Variants in ERICH6 observed in about 807,000 individuals in gnomAD.
ERICH6 encodes the protein glutamate rich 6.
A neutral mutation model predicts 71.0 loss-of-function variants in ERICH6; 71 were observed. The ratio of observed to expected loss-of-function variants is 1.00; its 90% CI spans 0.83 to 1.22. ERICH6 has a LOEUF of 1.22. Ranked by LOEUF, ERICH6 falls within the 50% of genes most tolerant of loss-of-function variation. ERICH6 has a pLI of 0.00. For synonymous variants in ERICH6, 262 were observed against 278.4 expected (o/e 0.94, Z 0.59); for missense variants, 808 against 797.2 (o/e 1.01, Z -0.16).
At chr3:150,670,373 T>C (rs1441191619) in intron 11 of ERICH6, among the ~76,000 whole-genome samples, 2 of 151,328 alleles carry the variant, frequency 1.3e-5, no homozygotes, top group Non-Finnish European at 2.9e-5. Flanking sequence ...TCCCAGCTAC[T>C]CAGGAGGCTG....
chr3:150,661,256 G>A (rs541109059), intron 13 of ERICH6, among the ~76,000 whole-genome samples: 41 of 152,322 alleles, frequency 2.7e-4, no homozygotes, highest in African/African-American at 9.1e-4. Flanking sequence ...TGGGAAGCAG[G>A]ATGGAGTCTG....
chr3:150,680,833 G>T lies in ERICH6; in HGVS notation c.980C>A (p.Pro327His). 1.2e-6 allele frequency: 2 copies of T among 1,614,044 alleles called. No individual in the cohort carries two copies. The highest frequency in any genetic ancestry group is 1.7e-6 in the Non-Finnish European group (2 of 1,180,020). ...PPKAELIAID[P>H]HAAHGSEVDR... ...GACCTCACTACCATGGGCTGCATGA[G>T]GGTCAATAGCAATTAATTCAGCTTT... The change falls in exon 8 of 14, where the codon CCT becomes CAT. Residue 327 changes from proline (P) to histidine (H), a missense_variant. Pro to His is a moderately conservative substitution (Grantham distance 77). Coordinates refer to ENST00000295910, the MANE Select transcript of ERICH6 (RefSeq NM_152394.5).
intron 3 of ERICH6, among the ~76,000 whole-genome samples, chr3:150,690,214 T>C (rs546385495): frequency 6.6e-6 from 1 of 152,320 alleles, no homozygotes; most frequent in South Asian, 2.1e-4. Context: ...TAATTTTATG[T>C]TTGATTTGGC....
intron 3 of ERICH6, among the ~76,000 whole-genome samples, chr3:150,690,535 G>C (rs925071928): frequency 2.6e-5 from 4 of 151,940 alleles, no homozygotes; most frequent in African/African-American, 9.7e-5. Flanking sequence ...TAATTAATTG[G>C]CTTAAAGAAA....
At position 150,666,811 on chromosome 3, in the gene ERICH6, T is replaced by A. The variant is rs1211366577; in HGVS notation, c.1704A>T (p.Arg568Ser). 4 of 1,614,080 alleles carry A rather than the reference T, an allele frequency of 2.5e-6. No homozygotes were observed. The highest frequency in any genetic ancestry group is 3.4e-6 in the Non-Finnish European group (4 of 1,180,036). ...ITFLAMGQQA[R>S]ISVGTKVKLP... is the part of the protein sequence containing the mutation. ...CCTTCACTTTGGTTCCAACACTGAT[T>A]CTTGCCTGTTGGCCCATTGCTAGAA... Residue 568 changes from arginine to serine, a missense_variant, in exon 13 of 14, where the codon AGA becomes AGT. This residue lies in a region of ERICH6 where 736 missense variants were observed against 712.2 expected (regional missense o/e 1.03). Transcript: ENST00000295910.
At position 150,680,427 on chromosome 3, in the gene ERICH6, G is replaced by A. The variant is rs202207866; in HGVS notation, c.1111+41C>T. On this transcript the variant is annotated intron_variant, in intron 9 of 13. Transcript: ENST00000295910. The stretch of plus-strand genomic sequence containing the variant: ...TGGTTAAACATCTGAGCTTTCTGAC[G>A]TTGTACAGCTGGTCTATAAGATCAG... The A allele has an allele frequency of 3.2e-5, 51 of 1,586,176 alleles. No individual in the cohort carries two copies. The African/African-American group carries it at 4.3e-4, about 13-fold the overall frequency.
chr3:150,696,125 G>A (rs78812237), intron 3 of ERICH6, among the ~76,000 whole-genome samples: 20,810 of 151,786 alleles, frequency 0.14, 1,544 homozygotes, highest in Non-Finnish European at 0.15. Flanking sequence ...ATTCACATGT[G>A]TGTATGTACA....
intron 1 of ERICH6, among the ~76,000 whole-genome samples, chr3:150,702,513 T>C (rs184512238): frequency 6.6e-6 from 1 of 152,138 alleles, no homozygotes; most frequent in Non-Finnish European, 1.5e-5. Context: ...CCCGACCTCG[T>C]GATCTGCCCG....
intron 6 of ERICH6, among the ~76,000 whole-genome samples, chr3:150,684,825 G>T (rs1272035656): frequency 1.3e-5 from 2 of 151,364 alleles, no homozygotes; most frequent in African/African-American, 4.9e-5. Context: ...GGGAAACATA[G>T]TGAGACCCAT....
chr3:150,661,902 A>G (rs1180228318), intron 13 of ERICH6, among the ~76,000 whole-genome samples: 1 of 152,166 alleles, frequency 6.6e-6, no homozygotes, highest in Non-Finnish European at 1.5e-5. Context: ...AAACAAAAAA[A>G]CCACTGAGTC....
chr3:150,673,148 T>TCCTC lies in ERICH6; in HGVS notation c.1343+804_1343+807dup, dbSNP rs552934680. Among the ~76,000 whole-genome samples the TCCTC allele has an allele frequency of 1.1e-4, 17 of 148,674 alleles. No individual in the cohort carries two copies. In the South Asian group the frequency reaches 2.6e-3, roughly 22 times the overall value. ...CTTCCTTCTTCCTTCCTTCCTTCCT[T>TCCTC]CCTCCCTCCCTTCCATCCGTCTTTC... On this transcript the variant is annotated intron_variant, in intron 11 of 13. Coordinates refer to ENST00000295910, the MANE Select transcript of ERICH6 (RefSeq NM_152394.5).
At chr3:150,664,963 T>A (rs960289049) in intron 13 of ERICH6, among the ~76,000 whole-genome samples, 6 of 151,780 alleles carry the variant, frequency 4.0e-5, no homozygotes, top group African/African-American at 1.5e-4. Context: ...TTGATTAAAA[T>A]TAATTTCTAA....
chr3:150,680,556 A>G lies in ERICH6; in HGVS notation c.1041-18T>C. The G allele has an allele frequency of 6.2e-7, 1 of 1,613,956 alleles. No homozygotes were observed. Among genetic ancestry groups the G allele is most frequent in the Middle Eastern group, 1.7e-4 (1 of 6,060 alleles). On this transcript the variant is annotated intron_variant, in intron 8 of 13. Coordinates refer to ENST00000295910, the MANE Select transcript of ERICH6 (RefSeq NM_152394.5). ...CCTGTTTCCTACAAAATCAGAAAAC[A>G]TCAGGCATAAATCTGAAATGTGGTT...
Position 150,702,236 on chromosome 3 carries a change from A to G in ERICH6, c.404-58T>C, listed in dbSNP as rs879017807. On this transcript the variant is annotated intron_variant, in intron 1 of 13. Coordinates refer to ENST00000295910, the MANE Select transcript of ERICH6 (RefSeq NM_152394.5). Reference sequence around the variant, plus strand: ...CCCTCTAAATCAAAAGGTCAATTCTACCCCCCCCAGGAACACATGGCAATG... The same window carrying G: ...CCCTCTAAATCAAAAGGTCAATTCTGCCCCCCCCAGGAACACATGGCAATG... 69 of 681,862 alleles carry G rather than the reference A, an allele frequency of 1.0e-4. 1 individual carries two copies. The South Asian group carries it at 1.6e-3, about 16-fold the overall frequency. 42.2% of individuals were successfully genotyped at this position (681,862 alleles called of 1,614,324 possible).
At chr3:150,699,717 T>TAAAAAAAAAAAAAA (rs1178685062) in intron 2 of ERICH6, among the ~76,000 whole-genome samples, 1 of 111,506 alleles carries the variant, frequency 9.0e-6, no homozygotes, top group African/African-American at 3.4e-5. Flanking sequence ...CTCAAAGAGA[T>TAAAAAAAAAAAAAA]AAAAACAAAA....
chr3:150,698,872 G>A lies in ERICH6; in HGVS notation c.472C>T (p.Arg158Cys), dbSNP rs78132193. The change falls in exon 3 of 14, where the codon CGC becomes TGC. Residue 158 changes from arginine to cysteine, a missense_variant. Arg to Cys is a radical substitution (Grantham distance 180, BLOSUM62 -3). Coordinates refer to ENST00000295910, the MANE Select transcript of ERICH6 (RefSeq NM_152394.5). ...ACTGGAATTCCTGGAGACAAATTGC[G>A]ATGAATATTTCTGAAATTTCGACAA... is the stretch of plus-strand genomic sequence containing the variant. ...SEMSIDRNIH[R>C]NLSPGIPVSV... The A allele has an allele frequency of 2.8e-3, 4,520 of 1,613,318 alleles. 106 individuals are homozygous for A. The East Asian group carries it at 0.058, about 21-fold the overall frequency.
In ERICH6 at chr3:150,669,306, C is replaced by A. The variant is rs779408210; in HGVS notation, c.1489G>T (p.Gly497Ter). The change falls in exon 12 of 14, where the codon GGA becomes TGA. Residue 497 changes from glycine (G) to a stop codon, truncating the protein, a stop_gained. Coordinates refer to ENST00000295910, the MANE Select transcript of ERICH6 (RefSeq NM_152394.5). LOFTEE classifies it high-confidence loss of function. ...SGRSSCYHPN[G>*]NVWVYINILG... Reference sequence around the variant, plus strand: ...AACCTAGAAGCTTACCAGACATTTCCATTGGGATGATAGCAGGAACTTCTG... The same window carrying A: ...AACCTAGAAGCTTACCAGACATTTCAATTGGGATGATAGCAGGAACTTCTG... 28 of 1,604,202 alleles carry A rather than the reference C, an allele frequency of 1.7e-5. No individual in the cohort carries two copies. Among genetic ancestry groups the A allele is most frequent in the Non-Finnish European group, 2.3e-5 (27 of 1,176,456 alleles).
chr3:150,700,081 AT>A (rs200830475), intron 2 of ERICH6, among the ~76,000 whole-genome samples: 16 of 148,200 alleles, frequency 1.1e-4, no homozygotes, highest in Non-Finnish European at 1.2e-4. Flanking sequence ...TCTGAGGGAA[AT>A]TTTTTTTTTT....
intron 3 of ERICH6, among the ~76,000 whole-genome samples, chr3:150,695,745 G>A (rs968740257): frequency 4.0e-5 from 6 of 150,664 alleles, no homozygotes; most frequent in Non-Finnish European, 4.4e-5. Context: ...AGACTAATAA[G>A]AACTTTATGA....
Sources: gnomAD v4.1 joint callset for allele counts (sites outside exome capture counted in the v4.1 genomes callset) on GRCh38, gnomAD v4.1.1 for gene constraint, gnomAD v4.1.1 regional missense constraint, MANE v1.5 for transcripts, NCBI Gene and HGNC (gene_info 2026-07-23, HGNC 2026-07-21) for gene names.